The following FRK variants were observed in gnomAD, a reference collection of about 807,000 sequenced individuals.
FRK encodes fyn related Src family tyrosine kinase, also known as tyrosine-protein kinase FRK.
A neutral mutation model predicts 56.4 loss-of-function variants in FRK; 51 were observed. The observed-to-expected ratio is 0.90, with a 90% CI of 0.72 to 1.14. The LOEUF is 1.14. FRK is among the 50% of genes most tolerant of loss of function. The pLI, the probability that FRK is intolerant of heterozygous loss-of-function variation, is 0.00. For missense variants in FRK, 570 were observed against 601.4 expected, an observed-to-expected ratio of 0.95 and a Z score of 0.55; for synonymous variants, 245 against 217.9, an observed-to-expected ratio of 1.12 and a Z score of -1.10.
chr6:116,017,281 A>G (rs566620105), intron 1 of FRK, among the ~76,000 whole-genome samples: 19 of 152,282 alleles, frequency 1.2e-4, no homozygotes, highest in African/African-American at 3.6e-4. Context: ...TGCAACCTAA[A>G]TGGATGTGCA....
At chr6:116,084,512 A>C in the FRK span, among the ~76,000 whole-genome samples, 1 of 152,194 alleles carries the variant, frequency 6.6e-6, no homozygotes, top group African/African-American at 2.4e-5. Flanking sequence ...TGACTGTAAT[A>C]ATCATCTCCT....
chr6:116,032,055 C>T (rs9488828), intron 1 of FRK, among the ~76,000 whole-genome samples: 2,950 of 152,086 alleles, frequency 0.019, 94 homozygotes, highest in African/African-American at 0.066. Context: ...CATAAGGTTC[C>T]TTCCTAATAA....
At chr6:116,088,911 C>G in the FRK span, among the ~76,000 whole-genome samples, 1 of 152,260 alleles carries the variant, frequency 6.6e-6, no homozygotes, top group South Asian at 2.1e-4. Context: ...CCATGGGGAG[C>G]CCCACATTGA....
intron 5 of FRK, among the ~76,000 whole-genome samples, chr6:115,947,452 C>G (rs1772512039): frequency 6.6e-6 from 1 of 151,760 alleles, no homozygotes; most frequent in African/African-American, 2.4e-5. Context: ...TCTTTTTTCC[C>G]TGAGCACGCA....
chr6:115,955,267 T>C (rs1772939026), intron 5 of FRK, among the ~76,000 whole-genome samples: 1 of 151,010 alleles, frequency 6.6e-6, no homozygotes, highest in Non-Finnish European at 1.5e-5. Context: ...GAAAGCCAAA[T>C]GAAGGAAATG....
intron 1 of FRK, among the ~76,000 whole-genome samples, chr6:116,055,719 C>T (rs1777368426): frequency 6.6e-6 from 1 of 152,182 alleles, no homozygotes; most frequent in Non-Finnish European, 1.5e-5. Flanking sequence ...CTGAGTCATT[C>T]ACTTAGCACC....
chr6:115,972,166 C>T (rs570398645), intron 2 of FRK, among the ~76,000 whole-genome samples: 4 of 152,196 alleles, frequency 2.6e-5, no homozygotes, highest in Non-Finnish European at 4.4e-5. Context: ...CTCTTATCCT[C>T]CAGCAGAAGC....
In FRK at chr6:115,933,714, G is replaced by A. The variant is rs1453039526; in HGVS notation, c.*8700C>T. On this transcript the variant is annotated 3_prime_UTR_variant, in exon 8 of 8. Coordinates refer to ENST00000606080, the MANE Select transcript of FRK (RefSeq NM_002031.3). Reference sequence around the variant, plus strand: ...TCTATTCATTTCTATATGTGCGCAAGAAAAATTAAACATGAAATGAATTCA... The same window carrying A: ...TCTATTCATTTCTATATGTGCGCAAAAAAAATTAAACATGAAATGAATTCA... 6.6e-6 allele frequency: 1 copy of A among 152,046 alleles called. No homozygotes were observed. Among genetic ancestry groups the A allele is most frequent in the East Asian group, 1.9e-4 (1 of 5,194 alleles). The allele number at this position is 152,046 out of a possible 1,614,324, so 9.4% of individuals were successfully genotyped here. A position where few individuals can be genotyped will look rare whatever the true frequency, so the allele number is the denominator to read the frequency against.
chr6:115,956,317 T>C (rs1772987763), intron 5 of FRK, 135 bp downstream of exon 5: 4 of 501,688 alleles, frequency 8.0e-6, no homozygotes, highest in Non-Finnish European at 1.3e-5. Flanking sequence ...AGCCATTCAG[T>C]GTTAAGACAT....
At chr6:116,028,876 T>C (rs1485143788) in intron 1 of FRK, among the ~76,000 whole-genome samples, 1 of 152,126 alleles carries the variant, frequency 6.6e-6, no homozygotes, top group Non-Finnish European at 1.5e-5. Context: ...CACTTATCAA[T>C]ATATTTAGGC....
At chr6:116,040,112 G>A (rs1776658379) in intron 1 of FRK, among the ~76,000 whole-genome samples, 1 of 152,114 alleles carries the variant, frequency 6.6e-6, no homozygotes, top group Admixed American at 6.5e-5. Flanking sequence ...AAGTCATAGT[G>A]AATAATGACA....
chr6:116,092,484 G>T, the FRK span, among the ~76,000 whole-genome samples: 3 of 152,160 alleles, frequency 2.0e-5, no homozygotes, highest in Admixed American at 2.0e-4. Context: ...ATCGGTAAGA[G>T]CCACTAAATC....
the FRK span, among the ~76,000 whole-genome samples, chr6:116,083,357 A>G: frequency 1.0e-3 from 158 of 151,956 alleles, no homozygotes; most frequent in African/African-American, 3.6e-3. Context: ...GCAAGTTTGC[A>G]TGGGAAAAAA....
At chr6:116,059,242 A>G (rs949253379) in intron 1 of FRK, among the ~76,000 whole-genome samples, 2 of 152,152 alleles carry the variant, frequency 1.3e-5, no homozygotes, top group African/African-American at 2.4e-5. Flanking sequence ...AATATAATTC[A>G]TATTTCATTC....
intron 5 of FRK, among the ~76,000 whole-genome samples, chr6:115,949,536 CACAG>C (rs1321295582): frequency 1.2e-4 from 19 of 152,070 alleles, no homozygotes; most frequent in African/African-American, 4.1e-4. Flanking sequence ...TAAGAGAGGA[CACAG>C]ACAAATGGAA....
At chr6:116,011,666 T>C (rs1377916300) in intron 1 of FRK, among the ~76,000 whole-genome samples, 1 of 152,186 alleles carries the variant, frequency 6.6e-6, no homozygotes, top group African/African-American at 2.4e-5. Flanking sequence ...GAATGTGACT[T>C]GGCAGGCATC....
At chr6:116,028,850 A>G (rs537164864) in intron 1 of FRK, among the ~76,000 whole-genome samples, 31 of 152,252 alleles carry the variant, frequency 2.0e-4, no homozygotes, top group Admixed American at 1.2e-3. Flanking sequence ...ACTTCAACTC[A>G]TATCATTCAG....
rs1324111795 is a variant in FRK, at chr6:115,937,667, G to A, written c.*4747C>T. 1 of 151,858 alleles carries A rather than the reference G, an allele frequency of 6.6e-6. No homozygotes were observed. Among genetic ancestry groups the A allele is most frequent in the Non-Finnish European group, 1.5e-5 (1 of 67,968 alleles). The allele number at this position is 151,858 out of a possible 1,614,324, so 9.4% of individuals were successfully genotyped here. On this transcript the variant is annotated 3_prime_UTR_variant, in exon 8 of 8. Transcript: ENST00000606080. ...ACGGAAAGCAGAAAAAAAAAGCAGG[G>A]GTTGCAATCCTAGTCTCTGATAAAA...
At position 116,043,344 on chromosome 6, in the gene FRK, A is replaced by T. The variant is rs1776802969; in HGVS notation, c.344+16624T>A. Among the ~76,000 whole-genome samples, 14 of 152,122 alleles carry T rather than the reference A, an allele frequency of 9.2e-5. 1 individual carries two copies. The highest frequency in any genetic ancestry group is 9.2e-4 in the Admixed American group (14 of 15,266). Reference sequence around the variant, plus strand: ...GTGATCACATAATTGGAAGTAAAACACTCCTTAACAAATGCAAAAGAATGG... The same window carrying T: ...GTGATCACATAATTGGAAGTAAAACTCTCCTTAACAAATGCAAAAGAATGG... On this transcript the variant is annotated intron_variant, in intron 1 of 7. Transcript: ENST00000606080.
Sources: allele counts gnomAD v4.1 joint callset (sites outside exome capture counted in the v4.1 genomes callset), GRCh38; gene constraint gnomAD v4.1.1; transcripts MANE v1.5; gene names NCBI Gene and HGNC (gene_info 2026-07-23, HGNC 2026-07-21).